The following NTM variants were observed in gnomAD, a reference collection of about 807,000 sequenced individuals.
NTM encodes the protein IgLON family member 2.
In NTM, 13 loss-of-function variants were observed where a neutral mutation model predicts 42.1. That is an observed-to-expected ratio of 0.31 (90% CI 0.20 to 0.49). The LOEUF is 0.49. Ranked by LOEUF, NTM falls within the 20% of genes least tolerant of loss-of-function variation. The pLI is 0.99. For missense variants in NTM, 373 were observed against 452.8 expected, an observed-to-expected ratio of 0.82 and a Z score of 1.60; for synonymous variants, 187 against 179.2, an observed-to-expected ratio of 1.04 and a Z score of -0.35.
chr11:131,632,859 G>C (rs546893769), intron 1 of NTM, among the ~76,000 whole-genome samples: 1 of 148,956 alleles, frequency 6.7e-6, no homozygotes, highest in East Asian at 1.9e-4. Context: ...ATTTTTAGTA[G>C]AGACGGGGTT....
intron 2 of NTM, among the ~76,000 whole-genome samples, chr11:131,967,054 G>A (rs550524553): frequency 6.6e-6 from 1 of 152,276 alleles, no homozygotes; most frequent in African/African-American, 2.4e-5. Context: ...GCTATGATGT[G>A]GGCAAAGCAA....
chr11:131,789,666 G>GAAGAAGAAGA (rs2090551222), intron 1 of NTM, among the ~76,000 whole-genome samples: 3 of 119,790 alleles, frequency 2.5e-5, no homozygotes, highest in African/African-American at 9.4e-5. Flanking sequence ...AGAAGAAGAA[G>GAAGAAGAAGA]AAAGCATGGG....
At chr11:131,469,875 G>A (rs1952265170) in intron 1 of NTM, among the ~76,000 whole-genome samples, 1 of 152,204 alleles carries the variant, frequency 6.6e-6, no homozygotes, top group Non-Finnish European at 1.5e-5. Context: ...TTGTCTGTGT[G>A]TCCATCTTTA....
intron 2 of NTM, among the ~76,000 whole-genome samples, chr11:131,935,308 T>C (rs756882464): frequency 1.3e-5 from 2 of 152,210 alleles, no homozygotes; most frequent in African/African-American, 4.8e-5. Flanking sequence ...GAATTAAACA[T>C]GGACAACCTA....
rs1295440951 is a variant in NTM at position 131,619,816 on chromosome 11, C to CT, written c.82+248943dup. Among the ~76,000 whole-genome samples the CT allele has an allele frequency of 3.0e-3, 424 of 142,530 alleles. 4 individuals carry two copies. Among genetic ancestry groups the CT allele is most frequent in the South Asian group, 0.013 (56 of 4,400 alleles). 93.5% of individuals were successfully genotyped at this position (142,530 alleles called of 152,430 possible). ...GGTAACATCTACCGCTAAACATCTT[C>CT]TTTTTTTTTTTTTTTCCTTGCTCTG... On this transcript the variant is annotated intron_variant, in intron 1 of 8. Transcript: ENST00000683400.
At chr11:131,923,921 G>A (rs990513370) in intron 2 of NTM, among the ~76,000 whole-genome samples, 2 of 152,204 alleles carry the variant, frequency 1.3e-5, no homozygotes, top group Admixed American at 1.3e-4. Context: ...GCCTTGCTGT[G>A]CCTCAGTTTA....
intron 1 of NTM, among the ~76,000 whole-genome samples, chr11:131,374,587 G>T (rs1941713564): frequency 6.6e-6 from 1 of 152,134 alleles, no homozygotes; most frequent in Non-Finnish European, 1.5e-5. Context: ...GTGTCTTCAG[G>T]TGTGTCTCTT....
At chr11:132,232,404 G>A (rs1349972797) in intron 4 of NTM, among the ~76,000 whole-genome samples, 1 of 152,198 alleles carries the variant, frequency 6.6e-6, no homozygotes, top group Non-Finnish European at 1.5e-5. Flanking sequence ...GGGACAGGAC[G>A]AGTCGCCCAC....
At chr11:131,518,633 G>A (rs2049194467) in intron 1 of NTM, among the ~76,000 whole-genome samples, 1 of 152,098 alleles carries the variant, frequency 6.6e-6, no homozygotes, top group Non-Finnish European at 1.5e-5. Context: ...TCACTCTTTG[G>A]CCTTTGGATT....
intron 1 of NTM, among the ~76,000 whole-genome samples, chr11:131,849,552 T>C (rs1036670281): frequency 6.6e-6 from 1 of 152,020 alleles, no homozygotes; most frequent in African/African-American, 2.4e-5. Context: ...GCCCCCATGA[T>C]CCACACACAC....
chr11:132,085,888 T>C lies in NTM; in HGVS notation c.168-60394T>C, dbSNP rs572769978. ...AAGACAAAACATATTTTGAGAGGGATTTATCTGCCTCTATTTTCTGGGGGT... is the reference window on the plus strand; with the variant it reads ...AAGACAAAACATATTTTGAGAGGGACTTATCTGCCTCTATTTTCTGGGGGT... On this transcript the variant is annotated intron_variant, in intron 2 of 8. Coordinates refer to ENST00000683400, the MANE Select transcript of NTM (RefSeq NM_001352005.2). Among the ~76,000 whole-genome samples, 7 of 152,248 alleles carry C rather than the reference T, an allele frequency of 4.6e-5. No homozygotes were observed. In the South Asian group the frequency reaches 1.5e-3, roughly 32 times the overall value.
intron 2 of NTM, among the ~76,000 whole-genome samples, chr11:132,010,663 T>C (rs1369313881): frequency 6.6e-6 from 1 of 151,348 alleles, no homozygotes; most frequent in Non-Finnish European, 1.5e-5. Flanking sequence ...TAATATGAAC[T>C]CTTTACGGCA....
At chr11:132,220,395 TA>T (rs2084899688) in intron 4 of NTM, among the ~76,000 whole-genome samples, 1 of 152,214 alleles carries the variant, frequency 6.6e-6, no homozygotes, top group African/African-American at 2.4e-5. Flanking sequence ...GCAGTTAGGG[TA>T]AAATTTGCCA....
At chr11:131,391,665 A>C (rs34961382) in intron 1 of NTM, among the ~76,000 whole-genome samples, 5 of 141,318 alleles carry the variant, frequency 3.5e-5, no homozygotes, top group Non-Finnish European at 7.8e-5. Flanking sequence ...AAAAAAAAAG[A>C]AAAGAAAAGA....
At chr11:131,935,627 G>A (rs1442646685) in intron 2 of NTM, among the ~76,000 whole-genome samples, 1 of 152,094 alleles carries the variant, frequency 6.6e-6, no homozygotes, top group African/African-American at 2.4e-5. Context: ...AGGGTTCCCT[G>A]GCCTGTTTTA....
chr11:132,246,216 C>G (rs753223916), intron 4 of NTM, among the ~76,000 whole-genome samples: 2 of 152,226 alleles, frequency 1.3e-5, no homozygotes, highest in East Asian at 3.9e-4. Context: ...TGCCGCACCT[C>G]CCGCACAGGT....
intron 1 of NTM, among the ~76,000 whole-genome samples, chr11:131,751,893 T>C (rs1419253944): frequency 6.6e-6 from 1 of 152,148 alleles, no homozygotes; most frequent in Non-Finnish European, 1.5e-5. Context: ...CTGTGACTTA[T>C]ATCTGTGACT....
intron 1 of NTM, among the ~76,000 whole-genome samples, chr11:131,565,225 C>T (rs2056748509): frequency 6.6e-6 from 1 of 152,224 alleles, no homozygotes; most frequent in African/African-American, 2.4e-5. Flanking sequence ...TCCTGCCTCT[C>T]TGTCCACCTC....
intron 2 of NTM, among the ~76,000 whole-genome samples, chr11:132,107,749 G>T (rs1409504540): frequency 6.6e-6 from 1 of 152,038 alleles, no homozygotes; most frequent in Non-Finnish European, 1.5e-5. Flanking sequence ...TGTTCTCATT[G>T]TTCCTAATGT....
Sources: allele counts gnomAD v4.1 joint callset (sites outside exome capture counted in the v4.1 genomes callset), GRCh38; gene constraint gnomAD v4.1.1; transcripts MANE v1.5; gene names NCBI Gene and HGNC (gene_info 2026-07-23, HGNC 2026-07-21).